Variants in ARID1B observed in about 807,000 individuals in gnomAD.
The protein encoded by ARID1B is AT-rich interaction domain 1B, also known as AT-rich interactive domain-containing protein 1B.
In ARID1B, 30 loss-of-function variants were observed where a neutral mutation model predicts 212.3. The observed-to-expected ratio is 0.14, with a 90% CI of 0.11 to 0.19. The LOEUF is 0.19. ARID1B is among the 10% of genes least tolerant of loss of function. ARID1B has a pLI of 1.00. For missense variants in ARID1B, 2,891 were observed against 3,204.0 expected (o/e 0.90, Z 2.36); for synonymous variants, 1,402 against 1,301.7 (o/e 1.08, Z -1.66).
intron 7 of ARID1B, among the ~76,000 whole-genome samples, chr6:157,139,821 C>T (rs1045938438): frequency 6.6e-6 from 1 of 151,336 alleles, no homozygotes; most frequent in African/African-American, 2.4e-5. Flanking sequence ...CTCCTGGGTT[C>T]AAGCAATTTT....
At chr6:156,877,466 C>T (rs1317878402) in intron 2 of ARID1B, among the ~76,000 whole-genome samples, 2 of 152,204 alleles carry the variant, frequency 1.3e-5, no homozygotes, top group African/African-American at 2.4e-5. Context: ...CGTGCTTCTT[C>T]CTTGCCTGCT....
At chr6:156,916,919 C>T (rs551618492) in intron 3 of ARID1B, among the ~76,000 whole-genome samples, 2 of 152,252 alleles carry the variant, frequency 1.3e-5, no homozygotes, top group African/African-American at 4.8e-5. Flanking sequence ...AATCAGGTAA[C>T]TCAAAGAGAG....
At chr6:156,810,188 A>T (rs191148138) in intron 1 of ARID1B, among the ~76,000 whole-genome samples, 1 of 152,212 alleles carries the variant, frequency 6.6e-6, no homozygotes, top group African/African-American at 2.4e-5. Flanking sequence ...TTTTGTACAC[A>T]TTGTCCTATA....
In ARID1B at chr6:156,866,273, C is replaced by G. The variant is rs116838610; in HGVS notation, c.1987-35103C>G. Among the ~76,000 whole-genome samples, 351 of 152,280 alleles carry G rather than the reference C, an allele frequency of 2.3e-3. 1 individual carries two copies. Among genetic ancestry groups the G allele is most frequent in the African/African-American group, 8.0e-3 (334 of 41,562 alleles). The stretch of plus-strand genomic sequence containing the variant: ...TTGCTCTTCTACGAGGAGGAAATCT[C>G]TGGGCATCTGCCAGGGTGAAGGAGG... On this transcript the variant is annotated intron_variant, in intron 2 of 19. Transcript: ENST00000636930.
intron 4 of ARID1B, among the ~76,000 whole-genome samples, chr6:157,058,026 C>A (rs995786937): frequency 2.0e-5 from 3 of 152,132 alleles, no homozygotes; most frequent in African/African-American, 7.2e-5. Context: ...CATGTGACTA[C>A]AAGATGAACT....
chr6:156,975,630 T>C lies in ARID1B; in HGVS notation c.2247+40054T>C, dbSNP rs575498158. Among the ~76,000 whole-genome samples the C allele has an allele frequency of 5.6e-3, 834 of 149,300 alleles. 5 individuals carry two copies. Among genetic ancestry groups the C allele is most frequent in the African/African-American group, 0.02 (794 of 40,446 alleles). On this transcript the variant is annotated intron_variant, in intron 4 of 19. Transcript: ENST00000636930. ...TTTTTTTTCTTTTTTTTTTTTTTTTTCAGTTCCTTAAAGATACTGGTCCAC... is the reference window on the plus strand; with the variant it reads ...TTTTTTTTCTTTTTTTTTTTTTTTTCCAGTTCCTTAAAGATACTGGTCCAC...
chr6:157,088,520 A>G (rs1039162379), intron 5 of ARID1B, among the ~76,000 whole-genome samples: 4 of 152,186 alleles, frequency 2.6e-5, no homozygotes, highest in Non-Finnish European at 5.9e-5. Context: ...TTTTTAAATC[A>G]TTTCCCTAAG....
In ARID1B at chr6:157,086,502, CTT is replaced by C. The variant is rs1425741222; in HGVS notation, c.2491+1599_2491+1600del. Among the ~76,000 whole-genome samples, 6 of 152,288 alleles carry C rather than the reference CTT, an allele frequency of 3.9e-5. No homozygotes were observed. In the East Asian group the frequency reaches 1.2e-3, roughly 29 times the overall value. ...TATTGCGTTACTCAAAGAGCTTACT[CTT>C]TCATTCTAAATTGAGTCAAAAGGAC... On this transcript the variant is annotated intron_variant, in intron 5 of 19. Transcript: ENST00000636930.
intron 4 of ARID1B, among the ~76,000 whole-genome samples, chr6:156,958,968 T>A (rs1178442804): frequency 6.6e-6 from 1 of 152,252 alleles, no homozygotes; most frequent in African/African-American, 2.4e-5. Context: ...AATCATTAAC[T>A]ACTCATATGT....
At chr6:157,004,579 T>A (rs1224343830) in intron 4 of ARID1B, among the ~76,000 whole-genome samples, 1 of 152,204 alleles carries the variant, frequency 6.6e-6, no homozygotes. Context: ...TACATTGTAA[T>A]TCAGAAGGTA....
chr6:157,189,737 G>A lies in ARID1B; in HGVS notation c.4015G>A (p.Ala1339Thr), dbSNP rs2128338974. The A allele has an allele frequency of 1.9e-6, 3 of 1,614,040 alleles. No homozygotes were observed. Among genetic ancestry groups the A allele is most frequent in the Non-Finnish European group, 1.7e-6 (2 of 1,180,012 alleles). The part of the protein sequence containing the change: ...VPGDLKPPTP[A>T]STPHGQMTPM... ...AGGTGACCTGAAGCCACCTACCCCAGCCTCCACCCCTCACGGCCAGATGAC... is the reference window on the plus strand; with the variant it reads ...AGGTGACCTGAAGCCACCTACCCCAACCTCCACCCCTCACGGCCAGATGAC... The change falls in exon 14 of 20, where the codon GCC (alanine) becomes ACC (threonine). Residue 1339 changes from alanine to threonine, a missense_variant. Transcript: ENST00000636930.
chr6:156,891,870 T>G (rs948311515), intron 2 of ARID1B, among the ~76,000 whole-genome samples: 3 of 140,698 alleles, frequency 2.1e-5, no homozygotes, highest in African/African-American at 5.7e-5. Flanking sequence ...TCTTTTTCTT[T>G]TCTGTTTTTT....
intron 4 of ARID1B, among the ~76,000 whole-genome samples, chr6:157,062,688 TA>T (rs1185276846): frequency 1.4e-5 from 2 of 140,912 alleles, no homozygotes; most frequent in African/African-American, 5.4e-5. Flanking sequence ...TGGTATGTTT[TA>T]AAATATATAT....
At chr6:156,970,634 T>G (rs879904759) in intron 4 of ARID1B, among the ~76,000 whole-genome samples, 1 of 152,206 alleles carries the variant, frequency 6.6e-6, no homozygotes, top group Admixed American at 6.5e-5. Flanking sequence ...TCAAAAGAGA[T>G]AATTCTTTTA....
intron 1 of ARID1B, among the ~76,000 whole-genome samples, chr6:156,807,986 TC>T (rs1781294285): frequency 6.6e-6 from 1 of 152,314 alleles, no homozygotes; most frequent in East Asian, 1.9e-4. Context: ...AGTCCTAGAC[TC>T]CCGTGTCATT....
At chr6:156,876,753 C>T (rs1445974755) in intron 2 of ARID1B, among the ~76,000 whole-genome samples, 2 of 152,214 alleles carry the variant, frequency 1.3e-5, no homozygotes, top group African/African-American at 4.8e-5. Context: ...TTGCTTTAGC[C>T]CCTCAACCAG....
At chr6:157,051,601 T>G (rs908334798) in intron 4 of ARID1B, among the ~76,000 whole-genome samples, 2 of 152,358 alleles carry the variant, frequency 1.3e-5, no homozygotes, top group East Asian at 1.9e-4. Context: ...TTTTATAGTT[T>G]GTATCTTTTG....
chr6:156,939,339 C>T (rs1405980264), intron 4 of ARID1B: 1 of 152,080 alleles, frequency 6.6e-6, no homozygotes, highest in African/African-American at 2.4e-5. Flanking sequence ...ATTTATATTC[C>T]AAGATAGCCC....
At chr6:156,804,808 C>G (rs1287099142) in intron 1 of ARID1B, among the ~76,000 whole-genome samples, 1 of 147,888 alleles carries the variant, frequency 6.8e-6, no homozygotes, top group African/African-American at 2.5e-5. Flanking sequence ...ACATTTTATT[C>G]CAGGGGTCAT....
Sources: gnomAD v4.1 joint callset for allele counts (sites outside exome capture counted in the v4.1 genomes callset) on GRCh38, gnomAD v4.1.1 for gene constraint, MANE v1.5 for transcripts, NCBI Gene and HGNC (gene_info 2026-07-23, HGNC 2026-07-21) for gene names.